The following NCOA3 variants were observed in gnomAD, a reference collection of about 807,000 sequenced individuals.
The protein encoded by NCOA3 is nuclear receptor coactivator 3.
NCOA3 carries 51 observed loss-of-function variants against 158.8 expected under a neutral mutation model. The observed-to-expected ratio is 0.32, with a 90% CI of 0.26 to 0.41. NCOA3 has a LOEUF of 0.41. Ranked by LOEUF, NCOA3 falls within the 10% of genes least tolerant of loss-of-function variation. The pLI, the probability that NCOA3 is intolerant of heterozygous loss-of-function variation, is 1.00. For missense variants in NCOA3, 1,510 were observed against 1,746.6 expected (o/e 0.86, Z 2.41); for synonymous variants, 537 against 592.4 (o/e 0.91, Z 1.36).
At chr20:47,548,722 G>A (rs1316813744) in intron 1 of NCOA3, among the ~76,000 whole-genome samples, 1 of 152,090 alleles carries the variant, frequency 6.6e-6, no homozygotes, top group African/African-American at 2.4e-5. Context: ...TTCTGTTTCA[G>A]CAAATCAGTA....
At chr20:47,641,324 CTTTTTTTTTTTT>C (rs34173277) in intron 16 of NCOA3, among the ~76,000 whole-genome samples, 1 of 96,600 alleles carries the variant, frequency 1.0e-5, no homozygotes, top group Admixed American at 1.2e-4. Flanking sequence ...CTCAACATTT[CTTTTTTTTTTTT>C]TTTTTTTTTG....
At chr20:47,521,909 A>G (rs1019551504) in intron 1 of NCOA3, among the ~76,000 whole-genome samples, 6 of 152,114 alleles carry the variant, frequency 3.9e-5, no homozygotes, top group Non-Finnish European at 8.8e-5. Flanking sequence ...TGCTAGAATC[A>G]GCTTATTTCT....
chr20:47,550,123 G>C (rs776307498), intron 1 of NCOA3, among the ~76,000 whole-genome samples: 6 of 148,452 alleles, frequency 4.0e-5, no homozygotes, highest in African/African-American at 7.5e-5. Context: ...GTTTTACTGT[G>C]TTGTATTTCA....
At chr20:47,640,532 C>T (rs1307801266) in intron 16 of NCOA3, among the ~76,000 whole-genome samples, 1 of 152,106 alleles carries the variant, frequency 6.6e-6, no homozygotes, top group Non-Finnish European at 1.5e-5. Context: ...TTATTTTAAA[C>T]ATTTCAGTGA....
chr20:47,541,028 A>G (rs1811004422), intron 1 of NCOA3, among the ~76,000 whole-genome samples: 1 of 152,134 alleles, frequency 6.6e-6, no homozygotes, highest in African/African-American at 2.4e-5. Flanking sequence ...ATGAGAGTGC[A>G]GGAGCTACTA....
intron 2 of NCOA3, among the ~76,000 whole-genome samples, chr20:47,605,113 G>A (rs1270589559): frequency 1.3e-5 from 2 of 152,114 alleles, no homozygotes; most frequent in East Asian, 1.9e-4. Flanking sequence ...TGATCCGCCC[G>A]CCTTGGCCTC....
chr20:47,569,304 G>A (rs989340943), intron 1 of NCOA3, among the ~76,000 whole-genome samples: 1 of 151,988 alleles, frequency 6.6e-6, no homozygotes, highest in Non-Finnish European at 1.5e-5. Flanking sequence ...CCAAGATTGT[G>A]CCTCTGCACT....
At chr20:47,572,882 TTTAC>T (rs1356566322) in intron 1 of NCOA3, among the ~76,000 whole-genome samples, 18 of 152,266 alleles carry the variant, frequency 1.2e-4, no homozygotes, top group African/African-American at 4.3e-4. Flanking sequence ...ATTTCTTCCT[TTTAC>T]TTACTTGAAC....
Position 47,653,209 on chromosome 20 carries a change from CTTGGT to C in NCOA3, c.4263+141_4263+145del, listed in dbSNP as rs1409503059. 6 of 1,277,290 alleles carry C rather than the reference CTTGGT, an allele frequency of 4.7e-6. No homozygotes were observed. The East Asian group carries it at 1.3e-4, about 27-fold the overall frequency. The allele number at this position is 1,277,290 out of a possible 1,614,324, so 79.1% of individuals were successfully genotyped here. A position where few individuals can be genotyped will look rare whatever the true frequency, so the allele number is the denominator to read the frequency against. On this transcript the variant is annotated intron_variant, in intron 22 of 22. Transcript: ENST00000371998. ...ACTTAAAATATAGTAATTGAAAAAA[CTTGGT>C]TTGAAGGCATTGGGCCATTAGATAC... is the stretch of plus-strand genomic sequence containing the variant.
At chr20:47,558,229 TGTA>T (rs147298150) in intron 1 of NCOA3, among the ~76,000 whole-genome samples, 2 of 134,328 alleles carry the variant, frequency 1.5e-5, no homozygotes, top group Middle Eastern at 3.5e-3. Flanking sequence ...CAGCTAATTT[TGTA>T]TTTTTTTTTT....
chr20:47,513,704 G>A (rs986581898), intron 1 of NCOA3, among the ~76,000 whole-genome samples: 25 of 131,246 alleles, frequency 1.9e-4, no homozygotes, highest in Non-Finnish European at 3.6e-4. Flanking sequence ...CCAGCCCGAT[G>A]GAGCAAGACT....
chr20:47,649,479 A>G (rs984226644), intron 19 of NCOA3, among the ~76,000 whole-genome samples: 5 of 152,150 alleles, frequency 3.3e-5, no homozygotes, highest in African/African-American at 1.2e-4. Context: ...AAAATTCTGA[A>G]ATTATAAAGA....
intron 2 of NCOA3, among the ~76,000 whole-genome samples, chr20:47,585,926 G>GTTT (rs61328257): frequency 7.4e-6 from 1 of 135,598 alleles, no homozygotes; most frequent in Non-Finnish European, 1.6e-5. Context: ...ATCTCCACAG[G>GTTT]TTTTTTTTTT....
intron 1 of NCOA3, among the ~76,000 whole-genome samples, chr20:47,542,009 G>GGTTTTTTT (rs2084746750): frequency 1.8e-5 from 1 of 56,318 alleles, no homozygotes; most frequent in Non-Finnish European, 3.5e-5. Flanking sequence ...GCCCTGTAGA[G>GGTTTTTTT]TTTTTTTTTT....
intron 1 of NCOA3, among the ~76,000 whole-genome samples, chr20:47,529,070 C>T (rs2084503353): frequency 6.6e-6 from 1 of 150,392 alleles, no homozygotes; most frequent in African/African-American, 2.4e-5. Flanking sequence ...CCTGGCTGGA[C>T]ACTTTTTTTT....
chr20:47,582,470 C>T (rs2085468575), intron 1 of NCOA3, among the ~76,000 whole-genome samples: 1 of 152,194 alleles, frequency 6.6e-6, no homozygotes, highest in Admixed American at 6.5e-5. Context: ...ACCTCGGCCT[C>T]CCAAAGTGCT....
In NCOA3 at chr20:47,654,263, G is replaced by A. The variant is rs2086840164; in HGVS notation, c.*846G>A. The A allele has an allele frequency of 6.6e-6, 1 of 152,416 alleles. No homozygotes were observed. Among genetic ancestry groups the A allele is most frequent in the Non-Finnish European group, 1.5e-5 (1 of 68,012 alleles). The allele number at this position is 152,416 out of a possible 1,614,324, so 9.4% of individuals were successfully genotyped here. A position where few individuals can be genotyped will look rare whatever the true frequency, so the allele number is the denominator to read the frequency against. ...TGATTTTTTTTTTTAAAGTACTGGTGTCACCCTTTGCCTATATGGTAGAGC... is the reference window on the plus strand; with the variant it reads ...TGATTTTTTTTTTTAAAGTACTGGTATCACCCTTTGCCTATATGGTAGAGC... On this transcript the variant is annotated 3_prime_UTR_variant, in exon 23 of 23. Coordinates refer to ENST00000371998, the MANE Select transcript of NCOA3 (RefSeq NM_181659.3).
chr20:47,640,103 G>GA (rs1385863745), intron 16 of NCOA3, 52 bp downstream of exon 16: 1 of 1,610,772 alleles, frequency 6.2e-7, no homozygotes, highest in Non-Finnish European at 8.5e-7. Context: ...GGGTAGTTTA[G>GA]AAAAGAGTTG....
intron 16 of NCOA3, among the ~76,000 whole-genome samples, chr20:47,641,102 C>T (rs1318983441): frequency 1.3e-5 from 2 of 151,852 alleles, no homozygotes; most frequent in Non-Finnish European, 2.9e-5. Flanking sequence ...TATTTGAATG[C>T]TTCTCTACTC....
Sources: allele counts gnomAD v4.1 joint callset (sites outside exome capture counted in the v4.1 genomes callset), GRCh38; gene constraint gnomAD v4.1.1; transcripts MANE v1.5; gene names NCBI Gene and HGNC (gene_info 2026-07-23, HGNC 2026-07-21).